KCNIP4: variants seen among roughly 807,000 people sequenced by gnomAD.
The protein encoded by KCNIP4 is potassium voltage-gated channel interacting protein 4, also known as Kv channel-interacting protein 4.
Under a neutral mutation model 34.0 loss-of-function variants are expected in KCNIP4, and 12 were observed. That is an observed-to-expected ratio of 0.35 (90% CI 0.23 to 0.57). The LOEUF is 0.57. KCNIP4 is among the 20% of genes least tolerant of loss of function. The probability of loss-of-function intolerance (pLI) is 0.83; values close to 1 mark genes in which losing one functional copy is unlikely to be tolerated. For missense variants in KCNIP4, 238 were observed against 311.7 expected (o/e 0.76, Z 1.78); for synonymous variants, 124 against 102.2 (o/e 1.21, Z -1.29).
chr4:21,199,373 G>A (rs1756298422), intron 1 of KCNIP4, among the ~76,000 whole-genome samples: 1 of 152,128 alleles, frequency 6.6e-6, no homozygotes, highest in South Asian at 2.1e-4. Flanking sequence ...AATGTCTTGA[G>A]AACTATCTGT....
intron 2 of KCNIP4, among the ~76,000 whole-genome samples, chr4:20,867,957 A>T (rs1826281): frequency 0.44 from 66,671 of 151,630 alleles, 16,678 homozygotes; most frequent in African/African-American, 0.7. Context: ...AACATGACAC[A>T]TGTATACATA....
Position 21,817,573 on chromosome 4 carries a change from G to A in KCNIP4, c.61+130998C>T, listed in dbSNP as rs147619560. On this transcript the variant is annotated intron_variant, in intron 1 of 8. Coordinates refer to ENST00000382152, the MANE Select transcript of KCNIP4 (RefSeq NM_025221.6). Reference sequence around the variant, plus strand: ...GCCTATAAATGGACACGCAAGTAGGGAAGATATTGCTAAATTCTTTTCCTA... The same window carrying A: ...GCCTATAAATGGACACGCAAGTAGGAAAGATATTGCTAAATTCTTTTCCTA... Among the ~76,000 whole-genome samples the A allele has an allele frequency of 7.0e-3, 1,073 of 152,234 alleles. 13 individuals carry two copies. Among genetic ancestry groups the A allele is most frequent in the African/African-American group, 0.024 (1,016 of 41,536 alleles).
chr4:21,840,968 T>C (rs1471299940), intron 1 of KCNIP4, among the ~76,000 whole-genome samples: 2 of 152,230 alleles, frequency 1.3e-5, no homozygotes, highest in Non-Finnish European at 2.9e-5. Flanking sequence ...ATCATGGGGA[T>C]ATTTTCCTAA....
chr4:21,054,167 G>A (rs745574698), intron 1 of KCNIP4, among the ~76,000 whole-genome samples: 1 of 152,114 alleles, frequency 6.6e-6, no homozygotes, highest in African/African-American at 2.4e-5. Flanking sequence ...TATTGAAGGA[G>A]AAGAACAAAG....
At chr4:20,871,278 C>A (rs73802378) in intron 2 of KCNIP4, among the ~76,000 whole-genome samples, 1 of 151,970 alleles carries the variant, frequency 6.6e-6, no homozygotes, top group Non-Finnish European at 1.5e-5. Flanking sequence ...GTGGCAATGT[C>A]AAGTGGCTGG....
chr4:21,716,706 C>T (rs1220482935), intron 1 of KCNIP4, among the ~76,000 whole-genome samples: 1 of 152,152 alleles, frequency 6.6e-6, no homozygotes, highest in African/African-American at 2.4e-5. Context: ...GCTTTCCAGA[C>T]TGATTATTAA....
At chr4:21,088,747 C>G (rs1746698256) in intron 1 of KCNIP4, among the ~76,000 whole-genome samples, 1 of 152,044 alleles carries the variant, frequency 6.6e-6, no homozygotes. Flanking sequence ...GATGTTTTGC[C>G]TTCTCTCCCT....
At chr4:21,354,334 A>G (rs1202904593) in intron 1 of KCNIP4, among the ~76,000 whole-genome samples, 1 of 152,234 alleles carries the variant, frequency 6.6e-6, no homozygotes, top group Admixed American at 6.5e-5. Context: ...AAATGCCCCA[A>G]TTAAAAGACA....
At chr4:21,348,168 T>G (rs998457096) in intron 1 of KCNIP4, among the ~76,000 whole-genome samples, 1 of 152,070 alleles carries the variant, frequency 6.6e-6, no homozygotes, top group African/African-American at 2.4e-5. Context: ...GGTATATCGA[T>G]TTTTTTCCCT....
At chr4:20,938,213 TTC>T (rs1491050025) in intron 1 of KCNIP4, among the ~76,000 whole-genome samples, 1 of 151,896 alleles carries the variant, frequency 6.6e-6, no homozygotes, top group Non-Finnish European at 1.5e-5. Flanking sequence ...TTTTTTTTTT[TTC>T]AGCATCAGTT....
At chr4:21,652,338 C>G (rs898271674) in intron 1 of KCNIP4, among the ~76,000 whole-genome samples, 6 of 152,068 alleles carry the variant, frequency 3.9e-5, no homozygotes, top group Non-Finnish European at 8.8e-5. Flanking sequence ...GGCTCTTTGG[C>G]CCACCACCTC....
At chr4:21,936,672 C>T (rs1030124346) in intron 1 of KCNIP4, among the ~76,000 whole-genome samples, 6 of 152,078 alleles carry the variant, frequency 3.9e-5, no homozygotes, top group Non-Finnish European at 7.4e-5. Context: ...CTCAAGGTAA[C>T]GTGATAGCAG....
chr4:20,909,321 T>G (rs529806978), intron 1 of KCNIP4, among the ~76,000 whole-genome samples: 1 of 152,208 alleles, frequency 6.6e-6, no homozygotes, highest in Non-Finnish European at 1.5e-5. Flanking sequence ...TGATGTTATA[T>G]GCAAGAAATG....
intron 1 of KCNIP4, among the ~76,000 whole-genome samples, chr4:21,114,591 C>G (rs1423936161): frequency 6.6e-6 from 1 of 152,080 alleles, no homozygotes; most frequent in African/African-American, 2.4e-5. Flanking sequence ...GAAATACTAA[C>G]CACAATAGAT....
chr4:20,807,712 A>G (rs1392463684), intron 3 of KCNIP4, among the ~76,000 whole-genome samples: 1 of 152,050 alleles, frequency 6.6e-6, no homozygotes, highest in Non-Finnish European at 1.5e-5. Flanking sequence ...GCAGGGAAGA[A>G]AACACATTTC....
intron 3 of KCNIP4, among the ~76,000 whole-genome samples, chr4:20,804,669 G>T (rs1170163780): frequency 6.6e-6 from 1 of 151,982 alleles, no homozygotes; most frequent in Non-Finnish European, 1.5e-5. Context: ...ACTTGATTGG[G>T]TGTGTATTAA....
At chr4:21,760,739 T>G (rs1054871283) in intron 1 of KCNIP4, among the ~76,000 whole-genome samples, 1 of 152,126 alleles carries the variant, frequency 6.6e-6, no homozygotes, top group Non-Finnish European at 1.5e-5. Flanking sequence ...TTTAAATATT[T>G]CTATTATTTA....
chr4:21,454,536 A>T (rs1728766586), intron 1 of KCNIP4, among the ~76,000 whole-genome samples: 1 of 152,130 alleles, frequency 6.6e-6, no homozygotes. Flanking sequence ...AGAAACCCTC[A>T]TCCTTTTCTG....
At chr4:21,502,257 G>T (rs118006994) in intron 1 of KCNIP4, among the ~76,000 whole-genome samples, 3 of 151,830 alleles carry the variant, frequency 2.0e-5, no homozygotes, top group African/African-American at 7.3e-5. Context: ...TGCTCAAAAT[G>T]GGAAAAAGAA....
Sources: allele counts gnomAD v4.1 joint callset (sites outside exome capture counted in the v4.1 genomes callset), GRCh38; gene constraint gnomAD v4.1.1; transcripts MANE v1.5; gene names NCBI Gene and HGNC (gene_info 2026-07-23, HGNC 2026-07-21).